The following ROBO2 variants were observed in gnomAD, a reference collection of about 807,000 sequenced individuals.
ROBO2 encodes the protein roundabout guidance receptor 2, also known as roundabout homolog 2.
ROBO2 carries 53 observed loss-of-function variants against 160.8 expected under a neutral mutation model. The observed-to-expected ratio is 0.33, with a 90% CI of 0.26 to 0.41. The LOEUF (loss-of-function observed/expected upper bound fraction) is 0.41, where lower values mean the gene tolerates loss of function less well. ROBO2 is among the 10% of genes least tolerant of loss of function. The pLI is 1.00. For missense variants in ROBO2, 1,577 were observed against 1,722.4 expected (o/e 0.92, Z 1.49); for synonymous variants, 664 against 611.7 (o/e 1.09, Z -1.26).
At chr3:76,457,865 T>C (rs187622985) in intron 2 of ROBO2, among the ~76,000 whole-genome samples, 2 of 152,264 alleles carry the variant, frequency 1.3e-5, no homozygotes, top group Non-Finnish European at 2.9e-5. Flanking sequence ...AGCTGTACCT[T>C]GGCCCCTTTC....
intron 5 of ROBO2, among the ~76,000 whole-genome samples, chr3:77,512,470 T>A (rs903521977): frequency 6.6e-6 from 1 of 151,984 alleles, no homozygotes. Flanking sequence ...TTTAATGTAA[T>A]TGAATAACAC....
At chr3:76,117,671 T>C (rs1169909644) in intron 2 of ROBO2, among the ~76,000 whole-genome samples, 1 of 152,170 alleles carries the variant, frequency 6.6e-6, no homozygotes, top group African/African-American at 2.4e-5. Flanking sequence ...ATTTAACAAA[T>C]ATAAATACTG....
At chr3:76,176,737 A>G (rs1190054133) in intron 2 of ROBO2, among the ~76,000 whole-genome samples, 2 of 151,946 alleles carry the variant, frequency 1.3e-5, no homozygotes, top group Non-Finnish European at 2.9e-5. Context: ...TTTGTTTCCA[A>G]ATAAGGGTAG....
intron 2 of ROBO2, among the ~76,000 whole-genome samples, chr3:76,840,536 G>C (rs1231197703): frequency 6.6e-6 from 1 of 150,598 alleles, no homozygotes; most frequent in African/African-American, 2.4e-5. Context: ...CTTGAACCCA[G>C]AAGGTGGAAC....
chr3:76,798,917 A>AAC (rs751891691), intron 2 of ROBO2, among the ~76,000 whole-genome samples: 1 of 144,996 alleles, frequency 6.9e-6, no homozygotes, highest in Non-Finnish European at 1.6e-5. Flanking sequence ...CAACAACAAC[A>AAC]AACCCTGGAT....
At chr3:77,515,801 C>A (rs2153620999) in intron 5 of ROBO2, among the ~76,000 whole-genome samples, 1 of 151,724 alleles carries the variant, frequency 6.6e-6, no homozygotes, top group East Asian at 2.0e-4. Context: ...CCAATACGGT[C>A]TAAACCTTTG....
At chr3:76,787,897 C>T (rs1243597372) in intron 2 of ROBO2, among the ~76,000 whole-genome samples, 1 of 151,386 alleles carries the variant, frequency 6.6e-6, no homozygotes, top group East Asian at 1.9e-4. Context: ...AACAACCCAT[C>T]ATGATATTAG....
chr3:75,971,854 C>T (rs1319962233), intron 2 of ROBO2, among the ~76,000 whole-genome samples: 1 of 151,518 alleles, frequency 6.6e-6, no homozygotes, highest in African/African-American at 2.4e-5. Context: ...CCTTCAGCCT[C>T]TTCCATTAAT....
At chr3:76,975,188 A>T (rs1178069378) in intron 2 of ROBO2, among the ~76,000 whole-genome samples, 1 of 152,128 alleles carries the variant, frequency 6.6e-6, no homozygotes, top group Non-Finnish European at 1.5e-5. Flanking sequence ...TGATCTTCCT[A>T]CACAGAAGGC....
chr3:76,639,285 G>A (rs2090509287), intron 2 of ROBO2, among the ~76,000 whole-genome samples: 1 of 150,750 alleles, frequency 6.6e-6, no homozygotes, highest in Non-Finnish European at 1.5e-5. Context: ...TATACATATA[G>A]GTATATATGT....
chr3:76,656,409 A>G (rs544447117), intron 2 of ROBO2, among the ~76,000 whole-genome samples: 160 of 152,276 alleles, frequency 1.1e-3, no homozygotes, highest in African/African-American at 3.8e-3. Flanking sequence ...CATCTCATGA[A>G]AACACTACAC....
exon 11 of ROBO2, chr3:77,563,181 A>G: frequency 6.2e-7 from 1 of 1,613,322 alleles, no homozygotes; most frequent in Non-Finnish European, 8.5e-7. Context: ...TGGAGCAACA[A>G]TCAGTAAAAA....
chr3:76,130,654 C>A (rs910568309), intron 2 of ROBO2, among the ~76,000 whole-genome samples: 1 of 151,952 alleles, frequency 6.6e-6, no homozygotes, highest in African/African-American at 2.4e-5. Context: ...CATAAGCAGG[C>A]CACATAGCCA....
chr3:76,791,886 T>A (rs1031711095), intron 2 of ROBO2, among the ~76,000 whole-genome samples: 8 of 151,942 alleles, frequency 5.3e-5, no homozygotes, highest in African/African-American at 1.7e-4. Context: ...GTATAACAGC[T>A]ATTTACATAG....
intron 13 of ROBO2, among the ~76,000 whole-genome samples, chr3:77,571,264 G>A (rs1003509889): frequency 6.6e-6 from 1 of 151,992 alleles, no homozygotes; most frequent in Non-Finnish European, 1.5e-5. Flanking sequence ...TTTATATTGA[G>A]TTGTTATGTT....
At chr3:77,124,363 G>A (rs1024315789) in intron 2 of ROBO2, among the ~76,000 whole-genome samples, 4 of 152,100 alleles carry the variant, frequency 2.6e-5, no homozygotes, top group East Asian at 1.9e-4. Context: ...GGAAAGAGTA[G>A]CGTTTTTGGA....
intron 2 of ROBO2, among the ~76,000 whole-genome samples, chr3:76,046,676 G>C (rs1438994895): frequency 6.6e-6 from 1 of 151,912 alleles, no homozygotes; most frequent in Non-Finnish European, 1.5e-5. Context: ...AGCCTGACTG[G>C]ACCACATCAT....
intron 2 of ROBO2, among the ~76,000 whole-genome samples, chr3:76,972,439 G>C (rs367554544): frequency 3.9e-5 from 6 of 152,092 alleles, no homozygotes; most frequent in South Asian, 4.1e-4. Context: ...TGCAGAGAAA[G>C]GCGTTGATTA....
intron 2 of ROBO2, among the ~76,000 whole-genome samples, chr3:76,856,845 T>C (rs945061017): frequency 6.6e-6 from 1 of 152,184 alleles, no homozygotes; most frequent in African/African-American, 2.4e-5. Flanking sequence ...AGAATTATAC[T>C]GTGGGGAGAG....
Sources: gnomAD v4.1 joint callset for allele counts (sites outside exome capture counted in the v4.1 genomes callset) on GRCh38, gnomAD v4.1.1 for gene constraint, MANE v1.5 for transcripts, NCBI Gene and HGNC (gene_info 2026-07-23, HGNC 2026-07-21) for gene names.